Variants in ENTREP2 observed in about 807,000 individuals in gnomAD.
ENTREP2 encodes endosomal transmembrane epsin interactor 2, also known as protein ENTREP2.
At chr15:29,132,232 T>A in the ENTREP2 span, among the ~76,000 whole-genome samples, 17 of 152,128 alleles carry the variant, frequency 1.1e-4, no homozygotes, top group African/African-American at 4.1e-4. Flanking sequence ...CTCCTTGCTG[T>A]CTAGTCAGAG....
chr15:29,275,648 G>A, the ENTREP2 span, among the ~76,000 whole-genome samples: 1 of 152,216 alleles, frequency 6.6e-6, no homozygotes, highest in Non-Finnish European at 1.5e-5. Context: ...CTCTTTAGAT[G>A]TTTATAGTAA....
At chr15:29,293,408 T>C in the ENTREP2 span, among the ~76,000 whole-genome samples, 3 of 144,478 alleles carry the variant, frequency 2.1e-5, no homozygotes, top group Admixed American at 7.1e-5. Context: ...CCACCATGCC[T>C]GGCTAATTTT....
the ENTREP2 span, among the ~76,000 whole-genome samples, chr15:29,605,265 C>A: frequency 6.6e-6 from 1 of 152,104 alleles, no homozygotes; most frequent in Non-Finnish European, 1.5e-5. Context: ...ATTGATTATT[C>A]TTTTGAGAGA....
chr15:29,413,826 A>C, the ENTREP2 span, among the ~76,000 whole-genome samples: 32 of 152,146 alleles, frequency 2.1e-4, no homozygotes, highest in Admixed American at 5.2e-4. Context: ...AATGGAAAAC[A>C]AAAAAAGGCA....
the ENTREP2 span, among the ~76,000 whole-genome samples, chr15:29,306,271 T>G: frequency 6.6e-6 from 1 of 152,114 alleles, no homozygotes; most frequent in African/African-American, 2.4e-5. Flanking sequence ...GAAAATCTCC[T>G]GAATTGGGCA....
At chr15:29,657,033 C>T in the ENTREP2 span, among the ~76,000 whole-genome samples, 1 of 152,106 alleles carries the variant, frequency 6.6e-6, no homozygotes, top group African/African-American at 2.4e-5. Flanking sequence ...GAAGCCGGGC[C>T]TTCGTGGTGA....
chr15:29,631,174 T>A, the ENTREP2 span, among the ~76,000 whole-genome samples: 1 of 152,178 alleles, frequency 6.6e-6, no homozygotes, highest in Non-Finnish European at 1.5e-5. Flanking sequence ...GTTTCAGGAG[T>A]ATTTGTAATT....
At chr15:29,270,041 C>T in the ENTREP2 span, among the ~76,000 whole-genome samples, 1 of 152,158 alleles carries the variant, frequency 6.6e-6, no homozygotes, top group African/African-American at 2.4e-5. Context: ...ACCACACAGG[C>T]TCAGGCAAGT....
chr15:29,396,553 T>C, the ENTREP2 span, among the ~76,000 whole-genome samples: 3 of 152,218 alleles, frequency 2.0e-5, no homozygotes, highest in Non-Finnish European at 2.9e-5. Context: ...TTTTTCCCAT[T>C]CTGTGGGTTG....
At chr15:29,283,054 C>G in the ENTREP2 span, among the ~76,000 whole-genome samples, 1 of 152,170 alleles carries the variant, frequency 6.6e-6, no homozygotes, top group South Asian at 2.1e-4. Flanking sequence ...GCAAGAATCT[C>G]TGGACCAAAG....
chr15:29,229,619 T>G, the ENTREP2 span, among the ~76,000 whole-genome samples: 1 of 152,196 alleles, frequency 6.6e-6, no homozygotes, highest in South Asian at 2.1e-4. Context: ...TGGGAGTTGG[T>G]ATCATTGCTT....
At chr15:29,471,689 G>A in the ENTREP2 span, among the ~76,000 whole-genome samples, 775 of 152,220 alleles carry the variant, frequency 5.1e-3, 8 homozygotes, top group African/African-American at 0.018. Context: ...CGTAAGCCCC[G>A]CACCCGCCAG....
the ENTREP2 span, among the ~76,000 whole-genome samples, chr15:29,347,157 G>A: frequency 9.9e-3 from 1,497 of 150,492 alleles, 37 homozygotes; most frequent in East Asian, 0.057. Context: ...TTCCTGTCTC[G>A]TGTATGGTTT....
chr15:29,138,928 C>T, the ENTREP2 span, among the ~76,000 whole-genome samples: 1 of 151,952 alleles, frequency 6.6e-6, no homozygotes, highest in Non-Finnish European at 1.5e-5. Flanking sequence ...ACAGGTGAGC[C>T]AGGGAAGGAT....
At chr15:29,272,767 T>C in the ENTREP2 span, among the ~76,000 whole-genome samples, 1 of 152,222 alleles carries the variant, frequency 6.6e-6, no homozygotes, top group African/African-American at 2.4e-5. Context: ...TGTCTCTCCC[T>C]GGGACCCATA....
the ENTREP2 span, among the ~76,000 whole-genome samples, chr15:29,576,086 C>G: frequency 6.6e-6 from 1 of 152,160 alleles, no homozygotes. Context: ...AAACTTACCA[C>G]AAAGGTATAG....
At chr15:29,180,696 T>A in the ENTREP2 span, among the ~76,000 whole-genome samples, 1 of 151,140 alleles carries the variant, frequency 6.6e-6, no homozygotes, top group African/African-American at 2.4e-5. Context: ...TAAAATAAAA[T>A]AAAAATAAAA....
the ENTREP2 span, among the ~76,000 whole-genome samples, chr15:29,489,135 A>G: frequency 7.7e-6 from 1 of 130,518 alleles, no homozygotes; most frequent in African/African-American, 3.4e-5. Context: ...CTCAGTAAAG[A>G]AAAATAAAAC....
chr15:29,117,994 C>T, the ENTREP2 span: 92 of 152,644 alleles, frequency 6.0e-4, no homozygotes, highest in African/African-American at 2.2e-3. Flanking sequence ...CGACCTTGGC[C>T]GCACCTAAAG....
Sources: gnomAD v4.1 joint callset for allele counts (sites outside exome capture counted in the v4.1 genomes callset) on GRCh38, gnomAD v4.1.1 for gene constraint, MANE v1.5 for transcripts, NCBI Gene and HGNC (gene_info 2026-07-23, HGNC 2026-07-21) for gene names.